Variants in OPCML observed in about 807,000 individuals in gnomAD.
OPCML encodes the protein opioid binding protein/cell adhesion molecule like.
Under a neutral mutation model 37.8 loss-of-function variants are expected in OPCML, and 13 were observed. The observed-to-expected ratio is 0.34, with a 90% CI of 0.22 to 0.55. OPCML has a LOEUF of 0.55. Ranked by LOEUF, OPCML falls within the 20% of genes least tolerant of loss-of-function variation. The pLI is 0.91. For synonymous variants in OPCML, 176 were observed against 168.8 expected, an observed-to-expected ratio of 1.04 and a Z score of -0.33; for missense variants, 341 against 435.6, an observed-to-expected ratio of 0.78 and a Z score of 1.93.
intron 1 of OPCML, among the ~76,000 whole-genome samples, chr11:133,430,605 G>T (rs1408785334): frequency 1.3e-5 from 2 of 152,060 alleles, no homozygotes; most frequent in Admixed American, 1.3e-4. Context: ...TAAAATAAAA[G>T]TCATACATAT....
chr11:132,947,864 A>C (rs964652521), intron 1 of OPCML, among the ~76,000 whole-genome samples: 2 of 152,216 alleles, frequency 1.3e-5, no homozygotes, highest in Non-Finnish European at 2.9e-5. Context: ...GAATTATTTT[A>C]AATTTTGGAG....
intron 1 of OPCML, among the ~76,000 whole-genome samples, chr11:133,020,095 C>T (rs969811400): frequency 1.3e-5 from 2 of 152,208 alleles, no homozygotes; most frequent in Non-Finnish European, 2.9e-5. Flanking sequence ...CTGTCTAGCT[C>T]GCCAGAGCTA....
intron 1 of OPCML, among the ~76,000 whole-genome samples, chr11:133,446,076 A>G (rs914372777): frequency 1.3e-5 from 2 of 152,230 alleles, no homozygotes; most frequent in African/African-American, 4.8e-5. Flanking sequence ...TGTTCTGCTC[A>G]TTCTGCTAAT....
At chr11:132,449,152 C>A (rs2096062562) in intron 4 of OPCML, among the ~76,000 whole-genome samples, 1 of 152,154 alleles carries the variant, frequency 6.6e-6, no homozygotes, top group Admixed American at 6.5e-5. Flanking sequence ...ATAGAGACAC[C>A]ATGACAATTT....
At chr11:132,857,889 G>A (rs1249471392) in intron 2 of OPCML, among the ~76,000 whole-genome samples, 1 of 152,064 alleles carries the variant, frequency 6.6e-6, no homozygotes, top group African/African-American at 2.4e-5. Flanking sequence ...ATGTAAAAAG[G>A]CCCCGAGACC....
intron 2 of OPCML, among the ~76,000 whole-genome samples, chr11:132,813,009 T>C (rs546766599): frequency 1.3e-5 from 2 of 152,350 alleles, no homozygotes; most frequent in East Asian, 3.9e-4. Flanking sequence ...AGCAGTTCTG[T>C]AAAACTTATA....
rs140188599 is a variant in OPCML, at chr11:133,266,557, C to A, written c.61+265707G>T. 2.0e-4 allele frequency among the ~76,000 whole-genome samples: 30 copies of A among 152,302 alleles called. No homozygotes were observed. In the East Asian group the frequency reaches 5.4e-3, roughly 27 times the overall value. ...TCCCACTAAAGTGTGTGGTCAGGAACTCATGTCTATCTTGCTCAGTAGTTA... is the reference window on the plus strand; with the variant it reads ...TCCCACTAAAGTGTGTGGTCAGGAAATCATGTCTATCTTGCTCAGTAGTTA... On this transcript the variant is annotated intron_variant, in intron 1 of 7. Coordinates refer to ENST00000524381, the MANE Select transcript of OPCML (RefSeq NM_001012393.5).
At chr11:133,379,692 T>A (rs906975407) in intron 1 of OPCML, among the ~76,000 whole-genome samples, 2 of 152,230 alleles carry the variant, frequency 1.3e-5, no homozygotes, top group Non-Finnish European at 1.5e-5. Context: ...CAAGCTATGT[T>A]CCATGAAATG....
At chr11:132,592,549 G>A (rs956800625) in intron 3 of OPCML, among the ~76,000 whole-genome samples, 2 of 152,192 alleles carry the variant, frequency 1.3e-5, no homozygotes, top group African/African-American at 4.8e-5. Flanking sequence ...TAAACTAGTG[G>A]TTTACCTTGT....
intron 1 of OPCML, among the ~76,000 whole-genome samples, chr11:133,210,490 T>A (rs11223393): frequency 6.6e-6 from 1 of 151,940 alleles, no homozygotes; most frequent in Admixed American, 6.6e-5. Flanking sequence ...CCCTTCAAGG[T>A]TTTTGTTACA....
intron 1 of OPCML, among the ~76,000 whole-genome samples, chr11:133,178,813 T>G (rs1432801109): frequency 1.3e-5 from 2 of 152,224 alleles, no homozygotes; most frequent in Non-Finnish European, 2.9e-5. Flanking sequence ...TTGAGTTGAT[T>G]GCTCAAATTC....
intron 1 of OPCML, among the ~76,000 whole-genome samples, chr11:133,204,688 T>A (rs962634944): frequency 3.3e-5 from 5 of 151,932 alleles, no homozygotes; most frequent in African/African-American, 1.2e-4. Context: ...GCAATCTTAG[T>A]TTTCTAAAGG....
rs1310345922 is a variant in OPCML, at chr11:132,441,294, A to T, written c.506-3935T>A. On this transcript the variant is annotated intron_variant, in intron 4 of 7. Transcript: ENST00000524381. The stretch of plus-strand genomic sequence containing the variant: ...GCCATTCTCCTGCCTCAGCCTCCCA[A>T]GTAGCTGGGACTGCAGGCGCCCGCC... 2.7e-5 allele frequency among the ~76,000 whole-genome samples: 4 copies of T among 145,822 alleles called. No homozygotes were observed. In the South Asian group the frequency reaches 8.8e-4, roughly 32 times the overall value.
At chr11:132,499,141 C>G (rs567705173) in intron 4 of OPCML, among the ~76,000 whole-genome samples, 1 of 152,302 alleles carries the variant, frequency 6.6e-6, no homozygotes, top group South Asian at 2.1e-4. Context: ...CTGGACAAGG[C>G]CCCTAGGGAC....
In OPCML at chr11:133,141,005, ACGACGAC is replaced by A. The variant is rs1949804653; in HGVS notation, c.62-198002_62-197996del. 4.0e-4 allele frequency among the ~76,000 whole-genome samples: 4 copies of A among 9,932 alleles called. 1 individual carries two copies. Among genetic ancestry groups the A allele is most frequent in the Non-Finnish European group, 6.3e-4 (2 of 3,200 alleles). The allele number at this position is 9,932 out of a possible 152,430, so 6.5% of individuals were successfully genotyped here. ...GAAGAAGAAGAAGAAGAAGACGACG[ACGACGAC>A]GACGACGACGACGACGACGACGACG... On this transcript the variant is annotated intron_variant, in intron 1 of 7. Transcript: ENST00000524381.
intron 1 of OPCML, among the ~76,000 whole-genome samples, chr11:133,225,854 C>G (rs190625250): frequency 6.6e-6 from 1 of 152,312 alleles, no homozygotes; most frequent in East Asian, 1.9e-4. Flanking sequence ...AAGATGGAAA[C>G]AACACGTAGT....
At chr11:133,004,380 T>C (rs1947066904) in intron 1 of OPCML, 1 of 985,360 alleles carries the variant, frequency 1.0e-6, no homozygotes, top group Non-Finnish European at 1.2e-6. Context: ...CTGCTCTCTC[T>C]TCAGAGGAAG....
chr11:132,607,992 A>T (rs941280667), intron 3 of OPCML, among the ~76,000 whole-genome samples: 2 of 152,230 alleles, frequency 1.3e-5, no homozygotes, highest in African/African-American at 4.8e-5. Context: ...AGTTCAAAAC[A>T]TCTAGAGGAA....
At chr11:132,479,752 C>A (rs528265463) in intron 4 of OPCML, among the ~76,000 whole-genome samples, 8 of 152,302 alleles carry the variant, frequency 5.3e-5, no homozygotes, top group African/African-American at 1.9e-4. Flanking sequence ...GAGGCACCCC[C>A]CAGCAGGGGC....
Sources: allele counts gnomAD v4.1 joint callset (sites outside exome capture counted in the v4.1 genomes callset), GRCh38; gene constraint gnomAD v4.1.1; transcripts MANE v1.5; gene names NCBI Gene and HGNC (gene_info 2026-07-23, HGNC 2026-07-21).